MTBP: variants seen among roughly 807,000 people sequenced by gnomAD.
MTBP encodes mdm2-binding protein.
MTBP carries 101 observed loss-of-function variants against 117.0 expected under a neutral mutation model. That is an observed-to-expected ratio of 0.86 (90% confidence interval 0.73 to 1.02). The LOEUF is 1.02. Ranked by LOEUF, MTBP falls within the 50% of genes least tolerant of loss-of-function variation. The pLI, the probability that MTBP is intolerant of heterozygous loss-of-function variation, is 0.00. For synonymous variants in MTBP, 350 were observed against 351.5 expected (o/e 1.00, Z 0.05); for missense variants, 970 against 1,030.9 (o/e 0.94, Z 0.81).
intron 10 of MTBP, 36 bp downstream of exon 10, chr8:120,463,797 GTTTTTATACTT>G: frequency 6.4e-7 from 1 of 1,568,410 alleles, no homozygotes; most frequent in Non-Finnish European, 8.7e-7. Flanking sequence ...TTGTTTGTTT[GTTTTTATACTT>G]GCCATTTAAG....
chr8:120,519,750 G>A (rs760866561), intron 20 of MTBP, among the ~76,000 whole-genome samples: 6 of 152,104 alleles, frequency 3.9e-5, no homozygotes, highest in Non-Finnish European at 8.8e-5. Context: ...AGAAGCTGAG[G>A]TGCTCAGGAT....
intron 11 of MTBP, among the ~76,000 whole-genome samples, chr8:120,484,413 G>A (rs187524691): frequency 1.6e-3 from 241 of 151,918 alleles, no homozygotes; most frequent in African/African-American, 5.6e-3. Context: ...ATAACCCACG[G>A]TATCTTCCTA....
chr8:120,446,639 G>GAA, intron 2 of MTBP, 126 bp downstream of exon 2: 1 of 619,414 alleles, frequency 1.6e-6, no homozygotes, highest in East Asian at 2.6e-5. Context: ...GAGTTACAGA[G>GAA]ATAACTAAGG....
chr8:120,500,182 A>AT (rs570514349), intron 14 of MTBP, among the ~76,000 whole-genome samples: 101 of 149,336 alleles, frequency 6.8e-4, no homozygotes, highest in African/African-American at 2.3e-3. Context: ...CTGTAAAATG[A>AT]TTTTTTTTTT....
At chr8:120,519,003 A>G (rs1814969054) in intron 20 of MTBP, among the ~76,000 whole-genome samples, 186 bp downstream of exon 20, 1 of 152,070 alleles carries the variant, frequency 6.6e-6, no homozygotes, top group South Asian at 2.1e-4. Context: ...GTTCTCATAT[A>G]TAGAAAGCTA....
rs1814948992 is a variant in MTBP, at chr8:120,517,955, C to T, written c.2351C>T (p.Ser784Phe). ...VTSRKPQTER[S>F]LPVTCPLVPI... ...TCCAGAAAGCCACAAACAGAACGGT[C>T]CTTACCAGTGACTTGTCCATTGGTT... is the stretch of plus-strand genomic sequence containing the variant. Residue 784 changes from serine to phenylalanine, a missense_variant, in exon 19 of 22, where the codon TCC (serine) becomes TTC (phenylalanine). Transcript: ENST00000305949. 1.2e-6 allele frequency: 2 copies of T among 1,612,628 alleles called. No homozygotes were observed. Among genetic ancestry groups the T allele is most frequent in the South Asian group, 2.2e-5 (2 of 91,038 alleles).
At chr8:120,481,260 GA>G (rs2130567719) in intron 11 of MTBP, among the ~76,000 whole-genome samples, 1 of 152,284 alleles carries the variant, frequency 6.6e-6, no homozygotes, top group African/African-American at 2.4e-5. Flanking sequence ...AGCTAGTAAG[GA>G]AAACAGTTTG....
At chr8:120,462,777 G>T (rs1208663848) in intron 9 of MTBP, among the ~76,000 whole-genome samples, 1 of 152,136 alleles carries the variant, frequency 6.6e-6, no homozygotes, top group Non-Finnish European at 1.5e-5. Flanking sequence ...CAGATAATGG[G>T]ATTGAAAGAT....
chr8:120,466,600 C>T (rs986786103), intron 10 of MTBP, among the ~76,000 whole-genome samples: 2 of 150,876 alleles, frequency 1.3e-5, no homozygotes, highest in East Asian at 2.0e-4. Flanking sequence ...CAGCTGGGCG[C>T]GGTGGCTCAC....
chr8:120,467,445 C>T (rs536693367), intron 10 of MTBP, among the ~76,000 whole-genome samples: 130 of 152,196 alleles, frequency 8.5e-4, no homozygotes, highest in African/African-American at 3.0e-3. Context: ...TGAAACCCCG[C>T]CTCTACTAAA....
intron 10 of MTBP, among the ~76,000 whole-genome samples, chr8:120,467,974 C>G (rs1210681015): frequency 2.6e-5 from 4 of 152,256 alleles, no homozygotes; most frequent in African/African-American, 7.2e-5. Context: ...GTTGAGAAAG[C>G]TATAACTGGG....
At chr8:120,481,930 A>G (rs1814093071) in intron 11 of MTBP, among the ~76,000 whole-genome samples, 1 of 152,174 alleles carries the variant, frequency 6.6e-6, no homozygotes, top group Non-Finnish European at 1.5e-5. Flanking sequence ...TCATTTTGAC[A>G]GTTATTTAAA....
chr8:120,459,440 A>G, intron 8 of MTBP, 91 bp downstream of exon 8: 1 of 1,304,702 alleles, frequency 7.7e-7, no homozygotes, highest in Non-Finnish European at 1.1e-6. Context: ...TTACTAATAT[A>G]TGTGCTTAAG....
intron 16 of MTBP, 128 bp downstream of exon 16, chr8:120,506,989 T>A (rs1177992574): frequency 1.4e-6 from 1 of 737,624 alleles, no homozygotes; most frequent in Non-Finnish European, 2.1e-6. Flanking sequence ...GATCCCAATG[T>A]TTGTCTGTTG....
rs549509202 is a variant in MTBP at position 120,522,826 on chromosome 8, T to C, written c.2676+107T>C. 6.4e-5 allele frequency: 49 copies of C among 771,590 alleles called. No homozygotes were observed. The South Asian group carries it at 9.8e-4, about 15-fold the overall frequency. The allele number at this position is 771,590 out of a possible 1,614,324, so 47.8% of individuals were successfully genotyped here. On this transcript the variant is annotated intron_variant, in intron 21 of 21. Transcript: ENST00000305949. The stretch of plus-strand genomic sequence containing the variant: ...AGCAGTAATCAGTTACTGGTCTTTT[T>C]CAACTCTGTCCCTATGAAAACTCTT...
chr8:120,472,126 T>C (rs1813829274), intron 11 of MTBP: 2 of 152,316 alleles, frequency 1.3e-5, no homozygotes, highest in African/African-American at 2.4e-5. Context: ...GAAACTATTA[T>C]GAAGAAATCT....
At chr8:120,463,562 A>G (rs1479330385) in intron 9 of MTBP, 130 bp from the exon 10 acceptor site, 2 of 666,040 alleles carry the variant, frequency 3.0e-6, no homozygotes, top group African/African-American at 1.8e-5. Flanking sequence ...GTAATTGTTA[A>G]CTGCTACAGT....
intron 17 of MTBP, among the ~76,000 whole-genome samples, chr8:120,515,393 G>A (rs771739432): frequency 2.0e-5 from 3 of 151,986 alleles, no homozygotes; most frequent in African/African-American, 2.4e-5. Flanking sequence ...ACAGACAGCC[G>A]AAGTGTTTGA....
intron 15 of MTBP, among the ~76,000 whole-genome samples, chr8:120,503,424 TG>T (rs1310324965): frequency 6.6e-6 from 1 of 152,074 alleles, no homozygotes; most frequent in Admixed American, 6.6e-5. Flanking sequence ...ATAAAAAGAC[TG>T]GGGGAGAAAA....
Sources: allele counts gnomAD v4.1 joint callset (sites outside exome capture counted in the v4.1 genomes callset), GRCh38; gene constraint gnomAD v4.1.1; transcripts MANE v1.5; gene names NCBI Gene and HGNC (gene_info 2026-07-23, HGNC 2026-07-21).